SPATS2L: variants seen among roughly 807,000 people sequenced by gnomAD.
SPATS2L encodes spermatogenesis associated serine rich 2 like.
Under a neutral mutation model 59.6 loss-of-function variants are expected in SPATS2L, and 30 were observed. That is an observed-to-expected ratio of 0.50 (90% CI 0.38 to 0.68). The LOEUF (loss-of-function observed/expected upper bound fraction) is 0.68. Among genes scored for constraint, SPATS2L ranks in the 30% least tolerant of loss-of-function variants. SPATS2L has a pLI of 0.00. For missense variants in SPATS2L, 615 were observed against 700.0 expected (o/e 0.88, Z 1.37); for synonymous variants, 252 against 263.5 (o/e 0.96, Z 0.42).
intron 11 of SPATS2L, 37 bp from the exon 12 acceptor site, chr2:200,472,795 G>A: frequency 6.4e-7 from 1 of 1,559,602 alleles, no homozygotes; most frequent in Non-Finnish European, 8.8e-7. Context: ...CAGTGTTGGA[G>A]GTGCAGCTCG....
chr2:200,458,059 A>G (rs1306184398), intron 8 of SPATS2L, among the ~76,000 whole-genome samples: 7 of 152,216 alleles, frequency 4.6e-5, no homozygotes. Flanking sequence ...AATCTTCTTG[A>G]TTACCTTTGA....
intron 2 of SPATS2L, among the ~76,000 whole-genome samples, chr2:200,376,796 G>C (rs1275800581): frequency 6.6e-6 from 1 of 152,204 alleles, no homozygotes; most frequent in Non-Finnish European, 1.5e-5. Flanking sequence ...TCCTTAGCAG[G>C]GCTGCAGTCA....
At chr2:200,466,076 TTA>T (rs571111393) in intron 9 of SPATS2L, among the ~76,000 whole-genome samples, 105 of 152,344 alleles carry the variant, frequency 6.9e-4, no homozygotes, top group African/African-American at 2.4e-3. Context: ...AAAGAATGGT[TTA>T]TGATTTGCAG....
intron 2 of SPATS2L, among the ~76,000 whole-genome samples, chr2:200,350,161 G>A (rs1290520181): frequency 6.6e-6 from 1 of 152,120 alleles, no homozygotes; most frequent in Non-Finnish European, 1.5e-5. Flanking sequence ...GAGTGAGGTG[G>A]GTCTGTTCCC....
chr2:200,449,508 C>T (rs560878173), intron 8 of SPATS2L, among the ~76,000 whole-genome samples: 33 of 152,272 alleles, frequency 2.2e-4, no homozygotes, highest in South Asian at 1.5e-3. Flanking sequence ...AGCCTGAAAT[C>T]GGAAAAGATT....
At chr2:200,322,811 T>TG (rs964143666) in intron 1 of SPATS2L, among the ~76,000 whole-genome samples, 9 of 152,074 alleles carry the variant, frequency 5.9e-5, no homozygotes, top group African/African-American at 2.2e-4. Context: ...TTAGTAAAAA[T>TG]GGGGGAAAAA....
intron 8 of SPATS2L, among the ~76,000 whole-genome samples, chr2:200,457,223 TACACACACACACACACAC>T (rs4035249): frequency 4.1e-5 from 6 of 148,010 alleles, no homozygotes; most frequent in Non-Finnish European, 6.0e-5. Context: ...AAAACATACA[TACACACACACACACACAC>T]ACACACACAC....
At chr2:200,441,393 T>C (rs2084688570) in intron 8 of SPATS2L, among the ~76,000 whole-genome samples, 1 of 152,170 alleles carries the variant, frequency 6.6e-6, no homozygotes, top group African/African-American at 2.4e-5. Context: ...TTATTAACAG[T>C]AGAAAAATGT....
intron 2 of SPATS2L, among the ~76,000 whole-genome samples, chr2:200,384,712 T>C (rs1559085273): frequency 6.6e-6 from 1 of 152,200 alleles, no homozygotes; most frequent in Non-Finnish European, 1.5e-5. Context: ...ATGGTGAAAA[T>C]CTTTCCTTTA....
intron 3 of SPATS2L, among the ~76,000 whole-genome samples, chr2:200,404,885 C>A (rs1020086432): frequency 6.6e-6 from 1 of 152,098 alleles, no homozygotes; most frequent in Non-Finnish European, 1.5e-5. Context: ...GCTGGCCAAG[C>A]CTTTCTCTCA....
intron 8 of SPATS2L, among the ~76,000 whole-genome samples, chr2:200,457,561 C>G (rs184761452): frequency 6.6e-6 from 1 of 152,326 alleles, no homozygotes; most frequent in East Asian, 1.9e-4. Flanking sequence ...AGGTAAGGGA[C>G]AGGCGTCCTG....
At chr2:200,393,610 C>T (rs1394498488) in intron 3 of SPATS2L, among the ~76,000 whole-genome samples, 1 of 152,148 alleles carries the variant, frequency 6.6e-6, no homozygotes, top group Non-Finnish European at 1.5e-5. Context: ...TTTCTCAACT[C>T]AATGAAATAA....
chr2:200,414,579 A>G (rs906924079), intron 4 of SPATS2L, among the ~76,000 whole-genome samples: 3 of 151,950 alleles, frequency 2.0e-5, no homozygotes, highest in Non-Finnish European at 4.4e-5. Flanking sequence ...GCAGTGAGCC[A>G]TGTTTGCACC....
intron 3 of SPATS2L, among the ~76,000 whole-genome samples, chr2:200,406,487 G>T (rs1002466331): frequency 6.6e-6 from 1 of 151,882 alleles, no homozygotes; most frequent in African/African-American, 2.4e-5. Context: ...AGTTAAAGGA[G>T]CAGGAAGGAG....
At chr2:200,448,216 T>C (rs1053969845) in intron 8 of SPATS2L, among the ~76,000 whole-genome samples, 23 of 152,138 alleles carry the variant, frequency 1.5e-4, no homozygotes, top group African/African-American at 2.2e-4. Context: ...CTGAGGTGGG[T>C]AGATCACTTG....
intron 3 of SPATS2L, among the ~76,000 whole-genome samples, chr2:200,392,411 A>C (rs551152606): frequency 1.3e-5 from 2 of 152,294 alleles, no homozygotes; most frequent in East Asian, 3.9e-4. Flanking sequence ...CCCTTTCCAC[A>C]TACCTTGCCC....
chr2:200,438,100 A>G (rs1035197118), intron 6 of SPATS2L, among the ~76,000 whole-genome samples: 1 of 152,144 alleles, frequency 6.6e-6, no homozygotes, highest in African/African-American at 2.4e-5. Flanking sequence ...CATGGTTTTA[A>G]GTAAAGCAAG....
At chr2:200,416,950 A>G (rs2106002819) in intron 5 of SPATS2L, among the ~76,000 whole-genome samples, 1 of 152,314 alleles carries the variant, frequency 6.6e-6, no homozygotes, top group East Asian at 1.9e-4. Flanking sequence ...GGCTTTCTTG[A>G]ACACTGGCGT....
chr2:200,439,802 G>A (rs1471627312), intron 7 of SPATS2L, among the ~76,000 whole-genome samples: 1 of 152,142 alleles, frequency 6.6e-6, no homozygotes, highest in East Asian at 1.9e-4. Flanking sequence ...TACACACAAT[G>A]TAACATTGAA....
Sources: allele counts gnomAD v4.1 joint callset (sites outside exome capture counted in the v4.1 genomes callset), GRCh38; gene constraint gnomAD v4.1.1; transcripts MANE v1.5; gene names NCBI Gene and HGNC (gene_info 2026-07-23, HGNC 2026-07-21).